The following SKIC3 variants were observed in gnomAD, a reference collection of about 807,000 sequenced individuals.
The protein encoded by SKIC3 is superkiller complex protein 3.
At chr5:95,473,880 T>C in the SKIC3 span, among the ~76,000 whole-genome samples, 604 of 152,358 alleles carry the variant, frequency 4.0e-3, 4 homozygotes, top group South Asian at 7.2e-3. Context: ...ACTCTGTACA[T>C]AGTTTCTTTT....
chr5:95,497,233 C>T, the SKIC3 span, among the ~76,000 whole-genome samples: 29 of 152,168 alleles, frequency 1.9e-4, no homozygotes, highest in South Asian at 2.5e-3. Context: ...ACAGCACAAC[C>T]GTATATGGAG....
At chr5:95,492,077 A>C in the SKIC3 span, among the ~76,000 whole-genome samples, 1 of 152,360 alleles carries the variant, frequency 6.6e-6, no homozygotes, top group South Asian at 2.1e-4. Context: ...AATCTTATGC[A>C]GATCAAATAC....
the SKIC3 span, among the ~76,000 whole-genome samples, chr5:95,469,073 T>C: frequency 6.6e-6 from 1 of 152,214 alleles, no homozygotes; most frequent in South Asian, 2.1e-4. Flanking sequence ...CCTCCATTTC[T>C]ACCATACCTA....
the SKIC3 span, among the ~76,000 whole-genome samples, chr5:95,537,889 T>G: frequency 6.6e-6 from 1 of 152,170 alleles, no homozygotes; most frequent in Non-Finnish European, 1.5e-5. Flanking sequence ...AAGTATGGTA[T>G]AAAGTCTATG....
chr5:95,505,431 A>T, the SKIC3 span, among the ~76,000 whole-genome samples: 1 of 152,338 alleles, frequency 6.6e-6, no homozygotes, highest in East Asian at 1.9e-4. Context: ...ACTATCTTCT[A>T]AGATGTGCGT....
At chr5:95,518,260 C>G in the SKIC3 span, among the ~76,000 whole-genome samples, 164 of 152,088 alleles carry the variant, frequency 1.1e-3, no homozygotes, top group Admixed American at 2.0e-3. Context: ...GTGATCAGAT[C>G]AGGGTAATTA....
At chr5:95,524,400 T>C in the SKIC3 span, 1 of 1,593,988 alleles carries the variant, frequency 6.3e-7, no homozygotes, top group Non-Finnish European at 8.6e-7. Context: ...CTAATGTATA[T>C]GATTATTATT....
At chr5:95,482,353 CTG>C in the SKIC3 span, 2 of 1,074,642 alleles carry the variant, frequency 1.9e-6, no homozygotes, top group Admixed American at 1.7e-5. Flanking sequence ...GATCTTGAAA[CTG>C]AGAGATAACA....
the SKIC3 span, chr5:95,540,835 TA>T: frequency 1.9e-6 from 3 of 1,613,702 alleles, no homozygotes; most frequent in Non-Finnish European, 2.5e-6. Flanking sequence ...AGCCACCTAT[TA>T]AAGAAGGAGA....
At chr5:95,530,154 A>T in the SKIC3 span, 2 of 1,613,580 alleles carry the variant, frequency 1.2e-6, no homozygotes, top group Admixed American at 1.7e-5. Context: ...GCCTAAGCCA[A>T]TGAGGCCTGG....
chr5:95,516,330 TGACA>T, the SKIC3 span: 1 of 1,612,338 alleles, frequency 6.2e-7, no homozygotes, highest in Non-Finnish European at 8.5e-7. Flanking sequence ...GTTTTAAATA[TGACA>T]GACAGGCAAC....
At chr5:95,523,588 T>TA in the SKIC3 span, 1 of 1,525,676 alleles carries the variant, frequency 6.6e-7, no homozygotes, top group Non-Finnish European at 8.9e-7. Flanking sequence ...TATACATATA[T>TA]AAAAATATTT....
chr5:95,464,923 G>C, the SKIC3 span, among the ~76,000 whole-genome samples: 1 of 103,044 alleles, frequency 9.7e-6, no homozygotes, highest in East Asian at 2.6e-4. Context: ...CATTCTGATT[G>C]CTTTTTTTTT....
chr5:95,501,958 C>T, the SKIC3 span, among the ~76,000 whole-genome samples: 3 of 152,030 alleles, frequency 2.0e-5, no homozygotes, highest in African/African-American at 7.3e-5. Flanking sequence ...CTTTTCCTAA[C>T]CAGCAAAGAG....
the SKIC3 span, among the ~76,000 whole-genome samples, chr5:95,487,282 A>G: frequency 6.6e-6 from 1 of 152,092 alleles, no homozygotes; most frequent in Non-Finnish European, 1.5e-5. Context: ...CCTGTAAGTT[A>G]ATACTTAATG....
chr5:95,540,662 C>G, the SKIC3 span: 2 of 1,612,622 alleles, frequency 1.2e-6, no homozygotes, highest in South Asian at 1.1e-5. Context: ...TTTTCATGAA[C>G]AAACTTGAGG....
the SKIC3 span, among the ~76,000 whole-genome samples, chr5:95,507,343 C>A: frequency 6.6e-6 from 1 of 151,914 alleles, no homozygotes; most frequent in Non-Finnish European, 1.5e-5. Context: ...TAGAAAACAC[C>A]CTTGAAACTA....
At chr5:95,523,766 C>T in the SKIC3 span, 3 of 1,613,582 alleles carry the variant, frequency 1.9e-6, no homozygotes, top group Non-Finnish European at 1.7e-6. Context: ...TTTTATCTCC[C>T]ACTACGTCTC....
At chr5:95,467,458 C>T in the SKIC3 span, among the ~76,000 whole-genome samples, 2 of 152,138 alleles carry the variant, frequency 1.3e-5, no homozygotes, top group Non-Finnish European at 2.9e-5. Flanking sequence ...ATTAGGGATG[C>T]TCAACCTGTA....
Sources: gnomAD v4.1 joint callset for allele counts (sites outside exome capture counted in the v4.1 genomes callset) on GRCh38, gnomAD v4.1.1 for gene constraint, MANE v1.5 for transcripts, NCBI Gene and HGNC (gene_info 2026-07-23, HGNC 2026-07-21) for gene names.